The following UNC5B variants were observed in gnomAD, a reference collection of about 807,000 sequenced individuals.
UNC5B encodes the protein unc-5 netrin receptor B.
UNC5B carries 56 observed loss-of-function variants against 103.7 expected under a neutral mutation model. The observed-to-expected ratio is 0.54, with a 90% confidence interval of 0.44 to 0.67. The LOEUF is 0.67. Ranked by LOEUF, UNC5B falls within the 30% of genes least tolerant of loss-of-function variation. The pLI is 0.00. For missense variants in UNC5B, 1,194 were observed against 1,284.5 expected, an observed-to-expected ratio of 0.93 and a Z score of 1.08; for synonymous variants, 577 against 542.0, an observed-to-expected ratio of 1.06 and a Z score of -0.90.
intron 1 of UNC5B, among the ~76,000 whole-genome samples, chr10:71,249,173 C>T (rs1230838602): frequency 6.6e-6 from 1 of 152,238 alleles, no homozygotes; most frequent in Non-Finnish European, 1.5e-5. Context: ...GTGACCACGG[C>T]CACAGCTCCA....
chr10:71,283,208 T>C (rs987864859), intron 2 of UNC5B, among the ~76,000 whole-genome samples: 2 of 152,166 alleles, frequency 1.3e-5, no homozygotes, highest in Admixed American at 1.3e-4. Flanking sequence ...CTGCAACAGC[T>C]TGCTAGGGGA....
chr10:71,291,355 G>A, intron 9 of UNC5B, 77 bp from the exon 10 acceptor site: 1 of 1,521,040 alleles, frequency 6.6e-7, no homozygotes, highest in South Asian at 1.3e-5. Flanking sequence ...CTGGACATTT[G>A]GGTGGGATTT....
At chr10:71,220,796 C>T (rs534421570) in intron 1 of UNC5B, among the ~76,000 whole-genome samples, 11 of 152,278 alleles carry the variant, frequency 7.2e-5, no homozygotes, top group African/African-American at 2.4e-4. Flanking sequence ...TCTTCCTCCA[C>T]GGGAGTGAAA....
Position 71,297,889 on chromosome 10 carries a change from C to A in UNC5B, c.2491-20C>A. Reference sequence around the variant, plus strand: ...TGCCCAGCACTGTGCCCCTCTCACTCTTGGCCCCCACCCTTGCAGACACCT... The same window carrying A: ...TGCCCAGCACTGTGCCCCTCTCACTATTGGCCCCCACCCTTGCAGACACCT... On this transcript the variant is annotated intron_variant, in intron 15 of 16. Coordinates refer to ENST00000335350, the MANE Select transcript of UNC5B (RefSeq NM_170744.5). 2 of 1,603,268 alleles carry A rather than the reference C, an allele frequency of 1.2e-6. No individual in the cohort carries two copies. The highest frequency in any genetic ancestry group is 1.7e-6 in the Non-Finnish European group (2 of 1,175,290).
chr10:71,226,996 T>TTTC (rs1843578095), intron 1 of UNC5B, among the ~76,000 whole-genome samples: 1 of 151,780 alleles, frequency 6.6e-6, no homozygotes, highest in Admixed American at 6.6e-5. Context: ...TTTTTTTTTT[T>TTTC]TTCCTTGAAA....
At chr10:71,219,445 G>A (rs545542885) in intron 1 of UNC5B, among the ~76,000 whole-genome samples, 3 of 152,176 alleles carry the variant, frequency 2.0e-5, no homozygotes, top group Non-Finnish European at 2.9e-5. Flanking sequence ...ACGGGAGAAA[G>A]ATGTAGGCTG....
At chr10:71,271,075 G>A (rs1844635803) in intron 1 of UNC5B, among the ~76,000 whole-genome samples, 1 of 152,148 alleles carries the variant, frequency 6.6e-6, no homozygotes, top group African/African-American at 2.4e-5. Flanking sequence ...CCTGGATCTC[G>A]GTTTGGGAGG....
intron 1 of UNC5B, among the ~76,000 whole-genome samples, chr10:71,254,376 T>C (rs1844243065): frequency 6.6e-6 from 1 of 152,176 alleles, no homozygotes; most frequent in Admixed American, 6.5e-5. Context: ...TCTGGGACCA[T>C]GGGTACCTGG....
chr10:71,233,518 C>T (rs1843721449), intron 1 of UNC5B, among the ~76,000 whole-genome samples: 1 of 152,158 alleles, frequency 6.6e-6, no homozygotes, highest in Non-Finnish European at 1.5e-5. Flanking sequence ...TCCCTTGTCT[C>T]CCCCTTCCCT....
In UNC5B at chr10:71,297,988, A is replaced by G. The variant is rs755305995; in HGVS notation, c.2570A>G (p.Lys857Arg). 9 of 1,613,920 alleles carry G rather than the reference A, an allele frequency of 5.6e-6. No homozygotes were observed. The highest frequency in any genetic ancestry group is 7.6e-6 in the Non-Finnish European group (9 of 1,180,028). ...ACCCAGCTGGGACCTTATGCCTTCA[A>G]GATCCCACTGTCCATCCGCCAGAAG... Reference protein sequence around the residue: ...VTTQLGPYAFKIPLSIRQKIC... With the variant: ...VTTQLGPYAFRIPLSIRQKIC... The change falls in exon 16 of 17, where the codon AAG becomes AGG. Residue 857 changes from lysine to arginine, a missense_variant. By Grantham distance (26) the Lys-to-Arg change is conservative. Coordinates refer to ENST00000335350, the MANE Select transcript of UNC5B (RefSeq NM_170744.5).
At chr10:71,227,395 T>G (rs1377897032) in intron 1 of UNC5B, among the ~76,000 whole-genome samples, 1 of 151,606 alleles carries the variant, frequency 6.6e-6, no homozygotes. Flanking sequence ...AAGAATGATA[T>G]AATGGACTTT....
chr10:71,269,961 G>C (rs941231843), intron 1 of UNC5B, among the ~76,000 whole-genome samples: 2 of 152,080 alleles, frequency 1.3e-5, no homozygotes, highest in African/African-American at 2.4e-5. Flanking sequence ...TGGGGGAGGC[G>C]CTCCAAAACA....
Position 71,285,410 on chromosome 10 carries a change from A to T in UNC5B, c.533A>T (p.Glu178Val), listed in dbSNP as rs149263868. ...GTTCTCCTGCAGTGCCGCCCGCCGG[A>T]GGGGGTGCCTGTGGCCGAGGTGAGC... ...HEVLLQCRPP[E>V]GVPVAEVEWL... The change falls in exon 4 of 17, where the codon GAG (glutamate) becomes GTG (valine). Residue 178 changes from glutamate to valine, a missense_variant. Physicochemically the swap from Glu to Val is moderately radical, Grantham distance 121 (BLOSUM62 -2). Transcript: ENST00000335350. 31 of 1,603,512 alleles carry T rather than the reference A, an allele frequency of 1.9e-5. No homozygotes were observed. Among genetic ancestry groups the T allele is most frequent in the Admixed American group, 1.5e-4 (9 of 58,694 alleles).
chr10:71,239,839 G>A (rs958076949), intron 1 of UNC5B, among the ~76,000 whole-genome samples: 2 of 152,186 alleles, frequency 1.3e-5, no homozygotes, highest in Non-Finnish European at 2.9e-5. Context: ...CCTGTGATCT[G>A]CATGTGAGCA....
At chr10:71,265,974 GAGGTCCC>G (rs1423044276) in intron 1 of UNC5B, among the ~76,000 whole-genome samples, 1 of 152,116 alleles carries the variant, frequency 6.6e-6, no homozygotes, top group Non-Finnish European at 1.5e-5. Flanking sequence ...GAAACAAACC[GAGGTCCC>G]AGGAGCTAAG....
intron 15 of UNC5B, among the ~76,000 whole-genome samples, chr10:71,297,566 C>T (rs1295285235): frequency 1.3e-5 from 2 of 152,260 alleles, no homozygotes; most frequent in Non-Finnish European, 2.9e-5. Flanking sequence ...GAGCAAGCCA[C>T]TCCCCTTTTC....
rs777101426 is a variant in UNC5B at position 71,287,643 on chromosome 10, A to T, written c.779A>T (p.Asn260Ile). Residue 260 changes from asparagine (N) to isoleucine (I), a missense_variant, in exon 6 of 17, where the codon AAC becomes ATC. Physicochemically the swap from Asn to Ile is moderately radical, Grantham distance 149. Coordinates refer to ENST00000335350, the MANE Select transcript of UNC5B (RefSeq NM_170744.5). ...TGGGCAGAGTGGTCACCCTGCTCCA[A>T]CCGCTGTGGCCGAGGCTGGCAGAAG... ...SSWAEWSPCSNRCGRGWQKRT... is the reference protein window; with the variant it reads ...SSWAEWSPCSIRCGRGWQKRT... The T allele has an allele frequency of 6.2e-7, 1 of 1,611,972 alleles. No individual in the cohort carries two copies. The highest frequency in any genetic ancestry group is 2.2e-5 in the East Asian group (1 of 44,700).
chr10:71,298,021 A>G lies in UNC5B; in HGVS notation c.2603A>G (p.Asn868Ser). The G allele has an allele frequency of 1.2e-6, 2 of 1,613,986 alleles. No individual in the cohort carries two copies. The highest frequency in any genetic ancestry group is 1.3e-5 in the African/African-American group (1 of 75,050). The change falls in exon 16 of 17, where the codon AAC becomes AGC. Residue 868 changes from asparagine to serine, a missense_variant. Physicochemically the swap from Asn to Ser is conservative, Grantham distance 46 (BLOSUM62 1). Transcript: ENST00000335350. ...CTGTCCATCCGCCAGAAGATATGCA[A>G]CAGCCTAGATGCCCCCAACTCACGG... Reference protein sequence around the residue: ...IPLSIRQKICNSLDAPNSRGN... With the variant: ...IPLSIRQKICSSLDAPNSRGN...
intron 15 of UNC5B, among the ~76,000 whole-genome samples, 176 bp downstream of exon 15, chr10:71,296,918 C>CCGGCTG (rs1384252157): frequency 5.5e-4 from 80 of 145,256 alleles, no homozygotes; most frequent in East Asian, 3.0e-3. Flanking sequence ...GGCAGATATT[C>CCGGCTG]CAGCTGCACA....
Sources: allele counts gnomAD v4.1 joint callset (sites outside exome capture counted in the v4.1 genomes callset), GRCh38; gene constraint gnomAD v4.1.1; transcripts MANE v1.5; gene names NCBI Gene and HGNC (gene_info 2026-07-23, HGNC 2026-07-21).